ST18: variants seen among roughly 807,000 people sequenced by gnomAD.
ST18 encodes the protein suppression of tumorigenicity 18 protein.
Under a neutral mutation model 110.0 loss-of-function variants are expected in ST18, and 50 were observed. The ratio of observed to expected loss-of-function variants is 0.45; its 90% CI spans 0.36 to 0.58. The LOEUF is 0.58. ST18 is among the 20% of genes least tolerant of loss of function. ST18 has a pLI of 0.00. For missense variants in ST18, 1,306 were observed against 1,280.1 expected (o/e 1.02, Z -0.31); for synonymous variants, 461 against 452.4 (o/e 1.02, Z -0.24).
At chr8:52,232,838 T>C (rs772966282) in intron 2 of ST18, among the ~76,000 whole-genome samples, 22 of 151,840 alleles carry the variant, frequency 1.4e-4, no homozygotes, top group Non-Finnish European at 2.8e-4. Flanking sequence ...AAACAGCAAG[T>C]CATTTACCAA....
At chr8:52,291,504 T>C (rs1343688142) in intron 2 of ST18, among the ~76,000 whole-genome samples, 1 of 152,248 alleles carries the variant, frequency 6.6e-6, no homozygotes, top group African/African-American at 2.4e-5. Flanking sequence ...GCAGTCTTTC[T>C]CTTTTGCAGA....
At chr8:52,131,866 C>A (rs1473170974) in intron 22 of ST18, 92 bp downstream of exon 22, 8 of 1,224,924 alleles carry the variant, frequency 6.5e-6, no homozygotes, top group Admixed American at 2.1e-5. Context: ...AGTGAACAAC[C>A]TTTAGGGGGT....
chr8:52,276,107 A>G (rs2095239177), intron 2 of ST18, among the ~76,000 whole-genome samples: 2 of 52,422 alleles, frequency 3.8e-5, no homozygotes, highest in African/African-American at 8.1e-5. Context: ...CACATGAAAC[A>G]CACACCGCAC....
chr8:52,190,425 C>G (rs1303239728), intron 8 of ST18, among the ~76,000 whole-genome samples: 1 of 152,006 alleles, frequency 6.6e-6, no homozygotes, highest in East Asian at 1.9e-4. Flanking sequence ...ATTTAATTAA[C>G]CAGTGTGGAC....
intron 15 of ST18, among the ~76,000 whole-genome samples, chr8:52,152,590 A>T (rs1453655865): frequency 6.6e-6 from 1 of 152,218 alleles, no homozygotes; most frequent in Non-Finnish European, 1.5e-5. Context: ...TTATTTATTC[A>T]TTAAGTTATT....
At chr8:52,307,049 G>A (rs1190974908) in intron 2 of ST18, among the ~76,000 whole-genome samples, 1 of 151,958 alleles carries the variant, frequency 6.6e-6, no homozygotes, top group African/African-American at 2.4e-5. Context: ...AAATTCATTT[G>A]GGCTCACGCC....
intron 2 of ST18, among the ~76,000 whole-genome samples, chr8:52,275,836 C>T (rs1014306647): frequency 3.3e-5 from 5 of 151,966 alleles, no homozygotes; most frequent in Admixed American, 2.0e-4. Flanking sequence ...GAGAAAACAA[C>T]TGGAAGTCCC....
Position 52,351,849 on chromosome 8 carries a change from A to C in ST18, c.-465+57479T>G, listed in dbSNP as rs902255585. Among the ~76,000 whole-genome samples, 15 of 152,196 alleles carry C rather than the reference A, an allele frequency of 9.9e-5. No individual in the cohort carries two copies. In the South Asian group the frequency reaches 2.1e-3, roughly 21 times the overall value. Reference sequence around the variant, plus strand: ...ATGAACAATCAGTTAAAACTCTAGAATCTAAAGGTTGGGTAGAAAAACAAT... The same window carrying C: ...ATGAACAATCAGTTAAAACTCTAGACTCTAAAGGTTGGGTAGAAAAACAAT... On this transcript the variant is annotated intron_variant, in intron 2 of 25. Coordinates refer to ENST00000689386, the MANE Select transcript of ST18 (RefSeq NM_001352837.2).
chr8:52,140,615 C>G (rs550159028), intron 17 of ST18, among the ~76,000 whole-genome samples: 3 of 150,660 alleles, frequency 2.0e-5, no homozygotes, highest in Non-Finnish European at 4.4e-5. Flanking sequence ...AACTAAGAGG[C>G]CTCTGAGAGA....
chr8:52,245,033 A>G (rs1170285119), intron 2 of ST18, among the ~76,000 whole-genome samples: 2 of 152,166 alleles, frequency 1.3e-5, no homozygotes, highest in Non-Finnish European at 2.9e-5. Flanking sequence ...CATTTACTTC[A>G]TGAATGAACA....
intron 2 of ST18, among the ~76,000 whole-genome samples, chr8:52,330,763 G>C (rs546152063): frequency 2.0e-5 from 3 of 152,372 alleles, no homozygotes; most frequent in African/African-American, 7.2e-5. Context: ...TGAACACTGT[G>C]TCTGGGCAAT....
chr8:52,150,233 T>C (rs920725976), intron 15 of ST18, among the ~76,000 whole-genome samples: 4 of 151,942 alleles, frequency 2.6e-5, no homozygotes, highest in African/African-American at 9.7e-5. Flanking sequence ...ATACTAAATA[T>C]ATTGGCTAAA....
At chr8:52,409,879 G>A (rs1056960492), upstream of ST18, 3 of 152,258 alleles carry the variant, frequency 2.0e-5, no homozygotes, top group Non-Finnish European at 4.4e-5. Flanking sequence ...GCGAACAAGC[G>A]GGCTCATGTC....
intron 2 of ST18, among the ~76,000 whole-genome samples, chr8:52,259,106 A>G (rs1372143618): frequency 6.6e-6 from 1 of 152,168 alleles, no homozygotes; most frequent in Non-Finnish European, 1.5e-5. Context: ...AGATTGGGCT[A>G]TCTTGGTGAC....
chr8:52,329,502 C>G (rs1218139657), intron 2 of ST18, among the ~76,000 whole-genome samples: 2 of 152,134 alleles, frequency 1.3e-5, no homozygotes, highest in Non-Finnish European at 2.9e-5. Flanking sequence ...TGCTTGTAAT[C>G]CTAGCACTTT....
intron 2 of ST18, among the ~76,000 whole-genome samples, chr8:52,316,067 T>A (rs573826643): frequency 6.6e-6 from 1 of 152,368 alleles, no homozygotes; most frequent in African/African-American, 2.4e-5. Context: ...AAGGTATCAA[T>A]TGTGCATATC....
intron 24 of ST18, among the ~76,000 whole-genome samples, chr8:52,118,055 C>T (rs572139105): frequency 1.2e-4 from 18 of 152,182 alleles, no homozygotes; most frequent in African/African-American, 4.3e-4. Flanking sequence ...TTCTAATGCA[C>T]CAGAGACTCT....
At chr8:52,407,839 G>A (rs1564676485) in intron 2 of ST18, 1 of 152,186 alleles carries the variant, frequency 6.6e-6, no homozygotes, top group East Asian at 1.9e-4. Flanking sequence ...CTGGAAAACA[G>A]TCCAGTGCCG....
At chr8:52,346,619 G>A (rs1817905036) in intron 2 of ST18, among the ~76,000 whole-genome samples, 1 of 152,210 alleles carries the variant, frequency 6.6e-6, no homozygotes, top group Non-Finnish European at 1.5e-5. Flanking sequence ...AAACACAACT[G>A]CATCAGCCTT....
Sources: gnomAD v4.1 joint callset for allele counts (sites outside exome capture counted in the v4.1 genomes callset) on GRCh38, gnomAD v4.1.1 for gene constraint, MANE v1.5 for transcripts, NCBI Gene and HGNC (gene_info 2026-07-23, HGNC 2026-07-21) for gene names.